DOK6: variants seen among roughly 807,000 people sequenced by gnomAD.
DOK6 encodes the protein docking protein 6.
A neutral mutation model predicts 44.0 loss-of-function variants in DOK6; 22 were observed. The observed-to-expected ratio is 0.50, with a 90% CI of 0.36 to 0.71. The LOEUF is 0.71. Among genes scored for constraint, DOK6 ranks in the 30% least tolerant of loss-of-function variants. The pLI is 0.00. For missense variants in DOK6, 340 were observed against 416.4 expected (o/e 0.82, Z 1.60); for synonymous variants, 166 against 145.5 (o/e 1.14, Z -1.01).
At chr18:69,766,993 G>A (rs1599314348) in intron 7 of DOK6, among the ~76,000 whole-genome samples, 1 of 152,270 alleles carries the variant, frequency 6.6e-6, no homozygotes, top group East Asian at 1.9e-4. Flanking sequence ...TTGGGAGGCT[G>A]AGGCAGGCAG....
rs180955388 is a variant in DOK6 at position 69,786,937 on chromosome 18, C to T, written c.856+29064C>T. On this transcript the variant is annotated intron_variant, in intron 7 of 7. Transcript: ENST00000382713. ...GATCCCAAGTGTACAATCTGATGGC[C>T]GGGCTTGGTGGCTCACGCCTGTAAT... Among the ~76,000 whole-genome samples, 169 of 152,314 alleles carry T rather than the reference C, an allele frequency of 1.1e-3. 1 individual carries two copies. The highest frequency in any genetic ancestry group is 3.7e-3 in the African/African-American group (155 of 41,574).
rs141258308 is a variant in DOK6, at chr18:69,575,636, T to A, written c.174+11042T>A. Among the ~76,000 whole-genome samples the A allele has an allele frequency of 1.1e-3, 172 of 152,220 alleles. 2 individuals carry two copies. In the East Asian group the frequency reaches 0.028, roughly 25 times the overall value. ...TTTAAAAATTGCAAAGAGTGCCACT[T>A]AAATGAGTAGCTGTTAGTGGAATAA... On this transcript the variant is annotated intron_variant, in intron 2 of 7. Coordinates refer to ENST00000382713, the MANE Select transcript of DOK6 (RefSeq NM_152721.6).
intron 1 of DOK6, among the ~76,000 whole-genome samples, chr18:69,479,553 T>A (rs1466107655): frequency 6.6e-6 from 1 of 152,180 alleles, no homozygotes; most frequent in Non-Finnish European, 1.5e-5. Flanking sequence ...ATGGTCATCA[T>A]AATACACTTT....
At chr18:69,718,103 G>A (rs955712818) in intron 5 of DOK6, among the ~76,000 whole-genome samples, 1 of 152,176 alleles carries the variant, frequency 6.6e-6, no homozygotes, top group Non-Finnish European at 1.5e-5. Flanking sequence ...CAGCTGATGA[G>A]GACAGCAACA....
At chr18:69,648,176 T>A (rs535269666) in intron 3 of DOK6, among the ~76,000 whole-genome samples, 1 of 152,220 alleles carries the variant, frequency 6.6e-6, no homozygotes, top group Non-Finnish European at 1.5e-5. Context: ...CAGGTCTTCA[T>A]TAATATTTTA....
rs1464078062 is a variant in DOK6 at position 69,465,321 on chromosome 18, T to C, written c.66+64011T>C. On this transcript the variant is annotated intron_variant, in intron 1 of 7. Coordinates refer to ENST00000382713, the MANE Select transcript of DOK6 (RefSeq NM_152721.6). Reference sequence around the variant, plus strand: ...AATAAAATTTATTTTATTTTATTATTATACTTTAAGTTTTAGGGTACATGT... The same window carrying C: ...AATAAAATTTATTTTATTTTATTATCATACTTTAAGTTTTAGGGTACATGT... 3.9e-5 allele frequency among the ~76,000 whole-genome samples: 6 copies of C among 152,156 alleles called. No homozygotes were observed. The East Asian group carries it at 1.2e-3, about 29-fold the overall frequency.
intron 1 of DOK6, among the ~76,000 whole-genome samples, chr18:69,538,752 G>C (rs998116034): frequency 1.1e-4 from 16 of 151,908 alleles, no homozygotes; most frequent in African/African-American, 3.6e-4. Context: ...TAGTTACTCT[G>C]GTCACCTCTC....
chr18:69,544,404 A>G (rs1017578055), intron 1 of DOK6, among the ~76,000 whole-genome samples: 1 of 151,726 alleles, frequency 6.6e-6, no homozygotes, highest in East Asian at 1.9e-4. Flanking sequence ...AGGAATGATC[A>G]AATTTAGGAA....
chr18:69,815,940 G>C (rs1981386313), intron 7 of DOK6, among the ~76,000 whole-genome samples: 1 of 152,036 alleles, frequency 6.6e-6, no homozygotes, highest in Non-Finnish European at 1.5e-5. Context: ...CACTTGCACT[G>C]TCTATCCTAC....
At chr18:69,441,370 T>G (rs1372803265) in intron 1 of DOK6, among the ~76,000 whole-genome samples, 1 of 152,150 alleles carries the variant, frequency 6.6e-6, no homozygotes, top group Admixed American at 6.6e-5. Flanking sequence ...CCTTTGAGGA[T>G]CTCAATTATT....
intron 5 of DOK6, among the ~76,000 whole-genome samples, chr18:69,738,738 C>G (rs1230012855): frequency 6.6e-6 from 1 of 152,176 alleles, no homozygotes; most frequent in African/African-American, 2.4e-5. Context: ...GTGAATGCTT[C>G]CTTTTTAAAC....
intron 4 of DOK6, among the ~76,000 whole-genome samples, chr18:69,695,263 C>G (rs1422944333): frequency 6.6e-6 from 1 of 152,150 alleles, no homozygotes; most frequent in Non-Finnish European, 1.5e-5. Flanking sequence ...CCCTATTGTA[C>G]CAGAAATGAT....
chr18:69,651,210 C>T lies in DOK6; in HGVS notation c.290-26524C>T, dbSNP rs202211886. Among the ~76,000 whole-genome samples the T allele has an allele frequency of 7.2e-5, 11 of 152,240 alleles. No homozygotes were observed. The East Asian group carries it at 2.1e-3, about 29-fold the overall frequency. ...AATAACAGGGGAACCATAATAATGT[C>T]AATACCTCCACCTATAGTTTTGATC... On this transcript the variant is annotated intron_variant, in intron 3 of 7. Transcript: ENST00000382713.
chr18:69,810,381 A>C (rs960351458), intron 7 of DOK6, among the ~76,000 whole-genome samples: 1 of 152,002 alleles, frequency 6.6e-6, no homozygotes, highest in Non-Finnish European at 1.5e-5. Flanking sequence ...ATAGAGGAGG[A>C]GCTCCATGAT....
At chr18:69,617,730 G>GAAA in intron 3 of DOK6, among the ~76,000 whole-genome samples, 20 of 88,854 alleles carry the variant, frequency 2.3e-4, no homozygotes, top group South Asian at 1.5e-3. Context: ...AAAGAAAAAA[G>GAAA]GGGGAAGGAG....
chr18:69,575,481 A>G (rs1031332500), intron 2 of DOK6, among the ~76,000 whole-genome samples: 11 of 152,102 alleles, frequency 7.2e-5, no homozygotes, highest in African/African-American at 2.2e-4. Context: ...TCTAGATGAC[A>G]TGGAGTTTGG....
At chr18:69,627,657 G>A (rs559528066) in intron 3 of DOK6, among the ~76,000 whole-genome samples, 2 of 152,080 alleles carry the variant, frequency 1.3e-5, no homozygotes, top group African/African-American at 2.4e-5. Context: ...CACCGTGTTA[G>A]CCAGGATGGT....
At position 69,630,124 on chromosome 18, in the gene DOK6, T is replaced by A. The variant is rs114367207; in HGVS notation, c.289+30626T>A. 4.7e-3 allele frequency among the ~76,000 whole-genome samples: 718 copies of A among 152,276 alleles called. 6 individuals are homozygous for A. Among genetic ancestry groups the A allele is most frequent in the African/African-American group, 0.016 (680 of 41,548 alleles). The stretch of plus-strand genomic sequence containing the variant: ...CTCTGCATTTGATGGTAGTTTTTTT[T>A]AACAATGTGTTAATTCATAATGAAA... On this transcript the variant is annotated intron_variant, in intron 3 of 7. Coordinates refer to ENST00000382713, the MANE Select transcript of DOK6 (RefSeq NM_152721.6).
intron 1 of DOK6, among the ~76,000 whole-genome samples, chr18:69,458,188 A>C (rs1163636799): frequency 7.9e-5 from 12 of 152,090 alleles, no homozygotes; most frequent in Non-Finnish European, 2.9e-5. Flanking sequence ...GAAACAAAAA[A>C]CTTTTTCACC....
Sources: gnomAD v4.1 joint callset for allele counts (sites outside exome capture counted in the v4.1 genomes callset) on GRCh38, gnomAD v4.1.1 for gene constraint, MANE v1.5 for transcripts, NCBI Gene and HGNC (gene_info 2026-07-23, HGNC 2026-07-21) for gene names.